CSPP1: variants seen among roughly 807,000 people sequenced by gnomAD.
CSPP1 encodes centrosome and spindle pole associated protein 1, also known as centrosome and spindle pole-associated protein 1.
CSPP1 carries 126 observed loss-of-function variants against 164.4 expected under a neutral mutation model. The observed-to-expected ratio is 0.77, with a 90% confidence interval of 0.66 to 0.89. The LOEUF (loss-of-function observed/expected upper bound fraction) is 0.89. Among genes scored for constraint, CSPP1 ranks in the 40% least tolerant of loss-of-function variants. CSPP1 has a pLI of 0.00. For missense variants in CSPP1, 1,395 were observed against 1,449.8 expected (o/e 0.96, Z 0.61); for synonymous variants, 472 against 476.7 (o/e 0.99, Z 0.13).
chr8:67,064,642 G>C (rs1805135665), intron 1 of CSPP1, 104 bp downstream of exon 1: 9 of 940,028 alleles, frequency 9.6e-6, no homozygotes, highest in East Asian at 8.1e-5. Flanking sequence ...CGTAGGTCTC[G>C]AGGCAACTAG....
chr8:67,083,531 C>CAAAAA lies in CSPP1; in HGVS notation c.200-2462_200-2458dup, dbSNP rs1171275894. Among the ~76,000 whole-genome samples the CAAAAA allele has an allele frequency of 2.1e-4, 15 of 71,848 alleles. No individual in the cohort carries two copies. In the East Asian group the frequency reaches 4.0e-3, roughly 19 times the overall value. 47.1% of individuals were successfully genotyped at this position (71,848 alleles called of 152,430 possible). A position where few individuals can be genotyped will look rare whatever the true frequency, so the allele number is the denominator to read the frequency against. On this transcript the variant is annotated intron_variant, in intron 3 of 30. Coordinates refer to ENST00000678616, the MANE Select transcript of CSPP1 (RefSeq NM_001382391.1). ...TGGGCAACAGAGTGAGACTTTGTCT[C>CAAAAA]AAAAAAAAAAAAAAAAAATATATAT...
At chr8:67,181,788 T>C (rs1484129530) in intron 28 of CSPP1, among the ~76,000 whole-genome samples, 2 of 152,196 alleles carry the variant, frequency 1.3e-5, no homozygotes, top group African/African-American at 2.4e-5. Flanking sequence ...AGAATTCATC[T>C]TGAAAATAGA....
intron 24 of CSPP1, among the ~76,000 whole-genome samples, chr8:67,165,183 C>T (rs1414767705): frequency 6.6e-6 from 1 of 152,052 alleles, no homozygotes; most frequent in Non-Finnish European, 1.5e-5. Flanking sequence ...ACTCAGGAGG[C>T]TGAGGCAGGA....
intron 2 of CSPP1, chr8:67,074,921 C>G (rs910234087): frequency 6.0e-6 from 1 of 166,588 alleles, no homozygotes; most frequent in African/African-American, 2.4e-5. Flanking sequence ...GCTGGGACTA[C>G]AGGTGCCCGC....
intron 23 of CSPP1, 139 bp from the exon 24 acceptor site, chr8:67,164,252 T>C (rs1318607127): frequency 1.7e-6 from 1 of 576,852 alleles, no homozygotes; most frequent in South Asian, 2.4e-5. Flanking sequence ...TATGTGTGTA[T>C]ATATAAAATG....
chr8:67,076,418 A>G, intron 2 of CSPP1, 64 bp from the exon 3 acceptor site: 4 of 820,014 alleles, frequency 4.9e-6, no homozygotes, highest in South Asian at 1.9e-5. Context: ...AAAATTTGAG[A>G]TGAGTTGTAT....
chr8:67,185,296 T>A (rs1834273350), intron 28 of CSPP1, among the ~76,000 whole-genome samples: 1 of 152,200 alleles, frequency 6.6e-6, no homozygotes, highest in Non-Finnish European at 1.5e-5. Context: ...CCCAGAACTA[T>A]CTTTTCGGTT....
At chr8:67,194,031 T>C (rs774025622) in intron 30 of CSPP1, among the ~76,000 whole-genome samples, 7 of 151,994 alleles carry the variant, frequency 4.6e-5, no homozygotes, top group Non-Finnish European at 1.0e-4. Flanking sequence ...TTCCACACCA[T>C]GGACAAAGTC....
intron 7 of CSPP1, among the ~76,000 whole-genome samples, chr8:67,099,081 G>A (rs936794878): frequency 2.0e-5 from 3 of 151,244 alleles, no homozygotes. Flanking sequence ...GTTGACTCTT[G>A]TCTTCAAGGA....
chr8:67,065,068 C>T (rs1210728766), intron 1 of CSPP1: 1 of 153,278 alleles, frequency 6.5e-6, no homozygotes, highest in African/African-American at 2.4e-5. Context: ...GTCAAGCCTC[C>T]CCGAGCGCCT....
At chr8:67,078,581 G>A (rs534765250) in intron 3 of CSPP1, among the ~76,000 whole-genome samples, 20 of 152,168 alleles carry the variant, frequency 1.3e-4, no homozygotes, top group African/African-American at 3.4e-4. Flanking sequence ...GTCTGGTCTC[G>A]AACTCGCTAG....
chr8:67,159,031 A>G lies in CSPP1; in HGVS notation c.2432A>G (p.Glu811Gly). ...GAAGAGCATATTCGGTTAGCTGAAG[A>G]AAGACAAAAAGAAGCAGAAAGAAAG... Reference protein sequence around the residue: ...KNEEHIRLAEERQKEAERKKK... With the variant: ...KNEEHIRLAEGRQKEAERKKK... Residue 811 changes from glutamate to glycine, a missense_variant, in exon 21 of 31, where the codon GAA becomes GGA. Transcript: ENST00000678616. 6.2e-7 allele frequency: 1 copy of G among 1,612,188 alleles called. No homozygotes were observed. The highest frequency in any genetic ancestry group is 8.5e-7 in the Non-Finnish European group (1 of 1,179,160).
chr8:67,189,034 CT>C (rs992436358), intron 28 of CSPP1, among the ~76,000 whole-genome samples: 3 of 152,212 alleles, frequency 2.0e-5, no homozygotes, highest in Non-Finnish European at 2.9e-5. Flanking sequence ...AAGGACCCGC[CT>C]GGTAACACAT....
In CSPP1 at chr8:67,091,893, T is replaced by C. The variant is rs1172018073; in HGVS notation, c.384+10T>C. The C allele has an allele frequency of 8.1e-7, 1 of 1,234,696 alleles. No individual in the cohort carries two copies. Among genetic ancestry groups the C allele is most frequent in the Admixed American group, 2.4e-5 (1 of 41,370 alleles). The allele number at this position is 1,234,696 out of a possible 1,614,324, so 76.5% of individuals were successfully genotyped here. On this transcript the variant is annotated intron_variant, in intron 5 of 30. Coordinates refer to ENST00000678616, the MANE Select transcript of CSPP1 (RefSeq NM_001382391.1). ...GAGGTTATCTGCTAAGGTAGGTGGA[T>C]AGGAGTAGTTATTGTGGGTACCAGT... is the stretch of plus-strand genomic sequence containing the variant.
intron 13 of CSPP1, 43 bp from the exon 14 acceptor site, chr8:67,118,201 ATTGC>A: frequency 6.3e-7 from 1 of 1,599,908 alleles, no homozygotes; most frequent in South Asian, 1.1e-5. Flanking sequence ...TTTTTAAAAA[ATTGC>A]AATGAAATAT....
chr8:67,086,847 G>T, intron 4 of CSPP1: 2 of 1,357,880 alleles, frequency 1.5e-6, no homozygotes, highest in Non-Finnish European at 2.0e-6. Flanking sequence ...GAAAAGAAAG[G>T]TAGGGTTGTC....
At chr8:67,099,430 C>A (rs1051845164) in intron 7 of CSPP1, 1 of 152,096 alleles carries the variant, frequency 6.6e-6, no homozygotes, top group Non-Finnish European at 1.5e-5. Flanking sequence ...CAAGGATAGT[C>A]TTAATCTGGT....
chr8:67,175,126 CTTTAG>C, intron 25 of CSPP1, 165 bp from the exon 26 acceptor site: 1 of 603,952 alleles, frequency 1.7e-6, no homozygotes, highest in Non-Finnish European at 3.0e-6. Flanking sequence ...ATTTCATATT[CTTTAG>C]TTTTGTGGCT....
chr8:67,107,983 G>GTT (rs34204898), intron 9 of CSPP1, among the ~76,000 whole-genome samples: 34,544 of 127,026 alleles, frequency 0.27, 5,510 homozygotes, highest in East Asian at 0.41. Flanking sequence ...CTTTGACAAA[G>GTT]TTTTTTTTTT....
Sources: allele counts gnomAD v4.1 joint callset (sites outside exome capture counted in the v4.1 genomes callset), GRCh38; gene constraint gnomAD v4.1.1; transcripts MANE v1.5; gene names NCBI Gene and HGNC (gene_info 2026-07-23, HGNC 2026-07-21).